Variants in FRMD7 observed in about 807,000 individuals in gnomAD.
FRMD7 encodes FERM domain-containing protein 7.
FRMD7 carries 14 observed loss-of-function variants against 44.1 expected under a neutral mutation model. The observed-to-expected ratio is 0.32, with a 90% CI of 0.21 to 0.50. The LOEUF (loss-of-function observed/expected upper bound fraction) is 0.50. Among genes scored for constraint, FRMD7 ranks in the 20% least tolerant of loss-of-function variants. The probability of loss-of-function intolerance (pLI) is 0.99; values close to 1 mark genes in which losing one functional copy is unlikely to be tolerated. For missense variants in FRMD7, 501 were observed against 522.3 expected (o/e 0.96, Z 0.40); for synonymous variants, 212 against 187.4 (o/e 1.13, Z -1.07).
intron 1 of FRMD7, among the ~76,000 whole-genome samples, chrX:132,106,877 G>A (rs972184103): frequency 8.9e-6 from 1 of 111,822 alleles, no homozygotes; most frequent in Non-Finnish European, 1.9e-5. Context: ...ACTTGAGGGT[G>A]GAGTGTGGCA....
chrX:132,125,469 G>A (rs1437993672), intron 1 of FRMD7, among the ~76,000 whole-genome samples: 1 of 111,539 alleles, frequency 9.0e-6, no homozygotes, highest in African/African-American at 3.3e-5. Flanking sequence ...AGTATCAAAA[G>A]GTCCTCCATG....
chrX:132,102,503 G>A (rs1928528411), intron 1 of FRMD7, among the ~76,000 whole-genome samples: 1 of 111,916 alleles, frequency 8.9e-6, no homozygotes, highest in South Asian at 3.7e-4. Context: ...TTATAGGGGA[G>A]AGGGGTACAT....
intron 4 of FRMD7, among the ~76,000 whole-genome samples, chrX:132,095,109 TATTG>T (rs1433289040): frequency 2.1e-5 from 2 of 94,792 alleles, no homozygotes; most frequent in Admixed American, 2.4e-4. Context: ...TTTATTTATT[TATTG>T]AGATAGAGTC....
At chrX:132,121,794 C>T (rs1242127055) in intron 1 of FRMD7, among the ~76,000 whole-genome samples, 1 of 111,128 alleles carries the variant, frequency 9.0e-6, no homozygotes, top group African/African-American at 3.3e-5. Flanking sequence ...TGAATAATGA[C>T]CATGGAACAA....
chrX:132,114,787 C>T (rs986509202), intron 1 of FRMD7, among the ~76,000 whole-genome samples: 5 of 112,239 alleles, frequency 4.5e-5, no homozygotes, highest in Non-Finnish European at 7.5e-5. Context: ...ATACAAGAGG[C>T]CCCTGCCTCA....
intron 5 of FRMD7, among the ~76,000 whole-genome samples, chrX:132,087,661 C>T (rs1928036550): frequency 9.0e-6 from 1 of 110,888 alleles, no homozygotes; most frequent in African/African-American, 3.3e-5. Context: ...ACAAACTCTC[C>T]CAGAAAATAG....
chrX:132,082,291 C>T (rs1356299618), intron 9 of FRMD7, 72 bp downstream of exon 9: 9 of 891,574 alleles, frequency 1.0e-5, no homozygotes, highest in Non-Finnish European at 1.5e-5. Flanking sequence ...AGAATGTGAA[C>T]TCCTCCTAAG....
chrX:132,126,173 T>G (rs1172642450), intron 1 of FRMD7, among the ~76,000 whole-genome samples: 1 of 111,347 alleles, frequency 9.0e-6, no homozygotes, highest in Non-Finnish European at 1.9e-5. Context: ...GAATGCTAAC[T>G]TAAGCTTCTA....
chrX:132,078,906 C>G lies in FRMD7; in HGVS notation c.1111G>C (p.Ala371Pro). ...GYYQNVNGVH[A>P]SEPVLESRRR... The stretch of plus-strand genomic sequence containing the variant: ...CTACTCTCCAGCACTGGCTCAGATG[C>G]GTGCACTCCATTCACATTTTGGTAG... Residue 371 changes from alanine (A) to proline (P), a missense_variant, in exon 12 of 12, where the codon GCA (alanine) becomes CCA (proline). Coordinates refer to ENST00000298542, the MANE Select transcript of FRMD7 (RefSeq NM_194277.3). 8.3e-7 allele frequency: 1 copy of G among 1,205,954 alleles called. No homozygotes were observed. Among genetic ancestry groups the G allele is most frequent in the Non-Finnish European group, 1.1e-6 (1 of 890,388 alleles).
At chrX:132,106,320 C>T (rs1302663324) in intron 1 of FRMD7, among the ~76,000 whole-genome samples, 1 of 111,712 alleles carries the variant, frequency 9.0e-6, no homozygotes, top group East Asian at 2.8e-4. Flanking sequence ...TACCATTTCA[C>T]GCAATTCAAA....
At chrX:132,085,829 C>A in intron 6 of FRMD7, 91 bp downstream of exon 6, 3 of 1,048,113 alleles carry the variant, frequency 2.9e-6, no homozygotes, top group Non-Finnish European at 4.0e-6. Flanking sequence ...GAGCCTGAAA[C>A]TTCTCAGGTT....
intron 1 of FRMD7, among the ~76,000 whole-genome samples, chrX:132,121,868 A>G (rs1381582321): frequency 9.0e-6 from 1 of 111,718 alleles, no homozygotes; most frequent in Non-Finnish European, 1.9e-5. Flanking sequence ...AGGAAGCCCT[A>G]CATTATTTTA....
chrX:132,097,435 A>ACC, intron 3 of FRMD7, 91 bp from the exon 4 acceptor site: 1 of 586,752 alleles, frequency 1.7e-6, no homozygotes, highest in Non-Finnish European at 3.0e-6. Flanking sequence ...ACACCCACAC[A>ACC]CACACCGCTC....
intron 5 of FRMD7, among the ~76,000 whole-genome samples, 184 bp from the exon 6 acceptor site, chrX:132,086,218 A>G (rs1462699558): frequency 1.8e-5 from 2 of 110,597 alleles, no homozygotes; most frequent in Non-Finnish European, 3.8e-5. Flanking sequence ...GGGGGGGGCA[A>G]TTGGCTCTTT....
At chrX:132,086,483 G>A (rs1927995170) in intron 5 of FRMD7, among the ~76,000 whole-genome samples, 1 of 111,025 alleles carries the variant, frequency 9.0e-6, no homozygotes, top group African/African-American at 3.3e-5. Flanking sequence ...TTTAGGAGGT[G>A]ATTGAGGTGA....
intron 1 of FRMD7, among the ~76,000 whole-genome samples, chrX:132,126,109 C>CAG (rs200523872): frequency 0.015 from 1,718 of 110,896 alleles, 15 homozygotes; most frequent in Non-Finnish European, 0.023. Context: ...TCATCATCAT[C>CAG]ATCATCATCA....
At chrX:132,101,195 C>T (rs1276136485) in intron 1 of FRMD7, among the ~76,000 whole-genome samples, 1 of 110,626 alleles carries the variant, frequency 9.0e-6, no homozygotes, top group Non-Finnish European at 1.9e-5. Context: ...GCCATGCCTG[C>T]GCCTCCAGCC....
At position 132,100,701 on chromosome X, in the gene FRMD7, T is replaced by C. The variant is rs1240442800; in HGVS notation, c.73A>G (p.Lys25Glu). 1 of 1,198,008 alleles carries C rather than the reference T, an allele frequency of 8.3e-7. No individual in the cohort carries two copies. Among genetic ancestry groups the C allele is most frequent in the African/African-American group, 1.8e-5 (1 of 56,957 alleles). The change falls in exon 2 of 12, where the codon AAG becomes GAG. Residue 25 changes from lysine to glutamate, a missense_variant. Around this residue, in one of 3 missense-constraint regions of FRMD7, gnomAD observed 24 missense variants for 21.6 expected, o/e 1.11. Coordinates refer to ENST00000298542, the MANE Select transcript of FRMD7 (RefSeq NM_194277.3). ...IFVVDQKSSGKALFNLSCSHL... is the reference protein window; with the variant it reads ...IFVVDQKSSGEALFNLSCSHL... ...CTGCAACTCAGGTTAAACAATGCCT[T>C]CCCGGATGACTTTTGCTAAACAAAA...
intron 9 of FRMD7, among the ~76,000 whole-genome samples, chrX:132,081,033 CA>C (rs67195744): frequency 0.32 from 34,368 of 108,970 alleles, 4,434 homozygotes; most frequent in African/African-American, 0.43. Flanking sequence ...ACATAAAAAT[CA>C]AAAAAAATCA....
Sources: gnomAD v4.1 joint callset for allele counts (sites outside exome capture counted in the v4.1 genomes callset) on GRCh38, gnomAD v4.1.1 for gene constraint, gnomAD v4.1.1 regional missense constraint, MANE v1.5 for transcripts, NCBI Gene and HGNC (gene_info 2026-07-23, HGNC 2026-07-21) for gene names.